MYRIP: variants seen among roughly 807,000 people sequenced by gnomAD.
The protein encoded by MYRIP is rab effector MyRIP.
MYRIP carries 49 observed loss-of-function variants against 98.0 expected under a neutral mutation model. The observed-to-expected ratio is 0.50, with a 90% CI of 0.40 to 0.63. The LOEUF is 0.63. Ranked by LOEUF, MYRIP falls within the 30% of genes least tolerant of loss-of-function variation. The pLI, the probability that MYRIP is intolerant of heterozygous loss-of-function variation, is 0.00. For synonymous variants in MYRIP, 404 were observed against 409.5 expected (o/e 0.99, Z 0.16); for missense variants, 1,004 against 1,058.2 (o/e 0.95, Z 0.71).
intron 1 of MYRIP, among the ~76,000 whole-genome samples, chr3:39,862,113 A>G (rs936689963): frequency 6.6e-6 from 1 of 152,204 alleles, no homozygotes; most frequent in African/African-American, 2.4e-5. Flanking sequence ...TCACCTACAA[A>G]GGGAACCCCA....
intron 3 of MYRIP, chr3:40,071,093 G>A: frequency 3.1e-6 from 3 of 971,570 alleles, no homozygotes; most frequent in Non-Finnish European, 3.7e-6. Context: ...TGGTAGGGAA[G>A]AAAGCACAGG....
intron 1 of MYRIP, among the ~76,000 whole-genome samples, chr3:39,878,113 A>G (rs1943053282): frequency 2.0e-5 from 3 of 152,172 alleles, no homozygotes; most frequent in Admixed American, 6.5e-5. Context: ...TGTGCTAGCA[A>G]TCAGCGAGAC....
At chr3:39,926,844 C>CT (rs1476903097) in intron 2 of MYRIP, among the ~76,000 whole-genome samples, 1 of 151,892 alleles carries the variant, frequency 6.6e-6, no homozygotes, top group African/African-American at 2.4e-5. Context: ...TTTTAGAATA[C>CT]TTTTTTCTAA....
At chr3:40,176,565 T>C (rs551871201) in intron 8 of MYRIP, among the ~76,000 whole-genome samples, 2 of 151,988 alleles carry the variant, frequency 1.3e-5, no homozygotes, top group East Asian at 1.9e-4. Context: ...GCCTAGGCAA[T>C]ACAGTGAGAC....
At chr3:40,043,807 T>G (rs6599076) in intron 2 of MYRIP, among the ~76,000 whole-genome samples, 148,959 of 152,326 alleles carry the variant, frequency 0.98, 72,914 homozygotes, top group East Asian at 1. Flanking sequence ...GAAGTGATAA[T>G]GTTTTCATGC....
At chr3:39,875,928 G>T (rs2125636745) in intron 1 of MYRIP, among the ~76,000 whole-genome samples, 1 of 152,140 alleles carries the variant, frequency 6.6e-6, no homozygotes, top group Admixed American at 6.5e-5. Flanking sequence ...TCTGTCTAAT[G>T]TTGACAGTGG....
At chr3:40,252,280 G>A (rs1436031858) in intron 16 of MYRIP, among the ~76,000 whole-genome samples, 2 of 152,100 alleles carry the variant, frequency 1.3e-5, no homozygotes, top group Non-Finnish European at 2.9e-5. Flanking sequence ...CGCAAGTATA[G>A]AGGAAATAAG....
intron 3 of MYRIP, among the ~76,000 whole-genome samples, chr3:40,111,599 A>G (rs1047122152): frequency 3.3e-5 from 5 of 152,168 alleles, no homozygotes; most frequent in African/African-American, 1.2e-4. Flanking sequence ...GAAGGTGGCC[A>G]GGGACTGTGG....
chr3:40,259,088 A>C lies in MYRIP; in HGVS notation c.*922A>C, dbSNP rs972293374. The C allele has an allele frequency of 6.6e-6, 1 of 152,220 alleles. No homozygotes were observed. Among genetic ancestry groups the C allele is most frequent in the Non-Finnish European group, 1.5e-5 (1 of 68,034 alleles). 9.4% of individuals were successfully genotyped at this position (152,220 alleles called of 1,614,324 possible). Reference sequence around the variant, plus strand: ...TTTTTGTACTCCAAATTTACTTCCCAATAAATATTCAGCAAAGTAGTAAAA... The same window carrying C: ...TTTTTGTACTCCAAATTTACTTCCCCATAAATATTCAGCAAAGTAGTAAAA... On this transcript the variant is annotated 3_prime_UTR_variant, in exon 17 of 17. Coordinates refer to ENST00000302541, the MANE Select transcript of MYRIP (RefSeq NM_015460.4).
At chr3:39,826,040 C>G (rs1381662879) in intron 1 of MYRIP, among the ~76,000 whole-genome samples, 2 of 151,494 alleles carry the variant, frequency 1.3e-5, no homozygotes, top group African/African-American at 4.8e-5. Context: ...TTTTTTGTTT[C>G]TGATTTTATT....
chr3:40,204,466 A>C (rs932565658), intron 10 of MYRIP, among the ~76,000 whole-genome samples: 7 of 151,034 alleles, frequency 4.6e-5, no homozygotes, highest in African/African-American at 1.7e-4. Flanking sequence ...ACAGGCCTGA[A>C]CCACCACGCC....
chr3:40,232,004 C>T (rs978040847), intron 11 of MYRIP, among the ~76,000 whole-genome samples: 1 of 152,314 alleles, frequency 6.6e-6, no homozygotes, highest in African/African-American at 2.4e-5. Context: ...CCACATCAAG[C>T]TACAAGGTCC....
At chr3:39,913,641 C>G (rs1336117854) in intron 2 of MYRIP, among the ~76,000 whole-genome samples, 1 of 152,090 alleles carries the variant, frequency 6.6e-6, no homozygotes, top group Non-Finnish European at 1.5e-5. Flanking sequence ...TTATAAATGC[C>G]CCAGCTTTGA....
chr3:40,170,712 G>A (rs980333692), intron 8 of MYRIP, among the ~76,000 whole-genome samples: 7 of 152,202 alleles, frequency 4.6e-5, no homozygotes, highest in African/African-American at 1.7e-4. Flanking sequence ...TGGGGAAGGA[G>A]CTGGGTGGGG....
intron 7 of MYRIP, among the ~76,000 whole-genome samples, chr3:40,168,499 C>T (rs1410489489): frequency 1.3e-5 from 2 of 152,242 alleles, no homozygotes; most frequent in Non-Finnish European, 2.9e-5. Context: ...ACACACACCG[C>T]TTTCCCACCA....
intron 1 of MYRIP, among the ~76,000 whole-genome samples, chr3:39,871,327 G>A (rs574848956): frequency 6.6e-5 from 10 of 152,310 alleles, no homozygotes; most frequent in African/African-American, 2.4e-4. Flanking sequence ...ATAAATGTAG[G>A]CTTGTGATTT....
chr3:39,988,375 G>C (rs1245512130), intron 2 of MYRIP, among the ~76,000 whole-genome samples: 1 of 151,982 alleles, frequency 6.6e-6, no homozygotes, highest in Non-Finnish European at 1.5e-5. Flanking sequence ...TGTTTCTGTT[G>C]AGAGGTCTGC....
intron 10 of MYRIP, among the ~76,000 whole-genome samples, chr3:40,201,278 C>A (rs1951552740): frequency 6.6e-6 from 1 of 152,104 alleles, no homozygotes; most frequent in Admixed American, 6.6e-5. Context: ...GTTGCCCTTT[C>A]AACAAATAGC....
intron 3 of MYRIP, among the ~76,000 whole-genome samples, chr3:40,083,684 T>C (rs772083268): frequency 1.3e-5 from 2 of 152,030 alleles, no homozygotes; most frequent in South Asian, 4.1e-4. Flanking sequence ...AATGCATTAC[T>C]TACAGGGAAA....
Sources: gnomAD v4.1 joint callset for allele counts (sites outside exome capture counted in the v4.1 genomes callset) on GRCh38, gnomAD v4.1.1 for gene constraint, MANE v1.5 for transcripts, NCBI Gene and HGNC (gene_info 2026-07-23, HGNC 2026-07-21) for gene names.